The following STXBP5L variants were observed in gnomAD, a reference collection of about 807,000 sequenced individuals.
STXBP5L encodes syntaxin binding protein 5L.
Under a neutral mutation model 144.5 loss-of-function variants are expected in STXBP5L, and 65 were observed. The ratio of observed to expected loss-of-function variants is 0.45; its 90% CI spans 0.37 to 0.55. STXBP5L has a LOEUF of 0.55. STXBP5L is among the 20% of genes least tolerant of loss of function. The probability of loss-of-function intolerance (pLI) is 0.00; values close to 1 mark genes in which losing one functional copy is unlikely to be tolerated. For synonymous variants in STXBP5L, 505 were observed against 469.6 expected (o/e 1.08, Z -0.97); for missense variants, 1,298 against 1,405.5 (o/e 0.92, Z 1.22).
chr3:121,378,517 TAATA>T (rs1348897599), intron 20 of STXBP5L, among the ~76,000 whole-genome samples, 195 bp from the exon 21 acceptor site: 2 of 152,210 alleles, frequency 1.3e-5, no homozygotes, highest in Non-Finnish European at 2.9e-5. Context: ...ATCTTATACT[TAATA>T]AATATCTTTT....
chr3:121,045,374 T>C, intron 4 of STXBP5L, 61 bp from the exon 5 acceptor site: 3 of 1,467,052 alleles, frequency 2.0e-6, no homozygotes, highest in Non-Finnish European at 2.8e-6. Context: ...AGCTTGTTTG[T>C]GATTAAAAAA....
chr3:120,986,858 C>A (rs1029612822), intron 3 of STXBP5L, among the ~76,000 whole-genome samples: 1 of 151,756 alleles, frequency 6.6e-6, no homozygotes, highest in Non-Finnish European at 1.5e-5. Flanking sequence ...GAAGAATCAG[C>A]AAACTTGAAG....
chr3:121,380,893 G>A (rs1392236096), intron 21 of STXBP5L, among the ~76,000 whole-genome samples: 1 of 152,140 alleles, frequency 6.6e-6, no homozygotes, highest in Non-Finnish European at 1.5e-5. Context: ...ACAAGAAACT[G>A]TTAGGGATTC....
chr3:121,199,935 T>C (rs991785049), intron 9 of STXBP5L, among the ~76,000 whole-genome samples: 3 of 152,230 alleles, frequency 2.0e-5, no homozygotes, highest in Non-Finnish European at 4.4e-5. Flanking sequence ...GATATTGGCC[T>C]GAAATTTTCT....
Position 121,314,950 on chromosome 3 carries a change from C to A in STXBP5L, c.2111-3525C>A, listed in dbSNP as rs868208921. On this transcript the variant is annotated intron_variant, in intron 19 of 26. Coordinates refer to ENST00000471454, the MANE Select transcript of STXBP5L (RefSeq NM_001308330.2). ...CCACAATGAGATACCATCTCACACCCGTTAGAATGGCAATCATTAAAAAGT... is the reference window on the plus strand; with the variant it reads ...CCACAATGAGATACCATCTCACACCAGTTAGAATGGCAATCATTAAAAAGT... 1.3e-3 allele frequency among the ~76,000 whole-genome samples: 202 copies of A among 152,134 alleles called. 2 individuals carry two copies. Among genetic ancestry groups the A allele is most frequent in the East Asian group, 4.3e-3 (22 of 5,154 alleles).
intron 5 of STXBP5L, among the ~76,000 whole-genome samples, chr3:121,079,597 A>G (rs138964898): frequency 6.6e-6 from 1 of 152,326 alleles, no homozygotes; most frequent in African/African-American, 2.4e-5. Context: ...AAAATAATTC[A>G]AGAGCGTATT....
rs1361130755 is a variant in STXBP5L at position 121,353,219 on chromosome 3, C to A, written c.2177-25497C>A. Among the ~76,000 whole-genome samples, 4 of 152,196 alleles carry A rather than the reference C, an allele frequency of 2.6e-5. No homozygotes were observed. In the East Asian group the frequency reaches 7.7e-4, roughly 29 times the overall value. ...CATAAAATGAGTTTGGGAGGATCCC[C>A]TCTTTTTCTATTGATTGGAATAGTT... On this transcript the variant is annotated intron_variant, in intron 20 of 26. Coordinates refer to ENST00000471454, the MANE Select transcript of STXBP5L (RefSeq NM_001308330.2).
At chr3:121,308,101 G>A (rs1181874096) in intron 19 of STXBP5L, among the ~76,000 whole-genome samples, 1 of 152,172 alleles carries the variant, frequency 6.6e-6, no homozygotes, top group Non-Finnish European at 1.5e-5. Flanking sequence ...ACTGGGGCCT[G>A]TTGTTGGAGC....
chr3:121,307,381 A>G (rs1047925013), intron 19 of STXBP5L, among the ~76,000 whole-genome samples: 8 of 152,224 alleles, frequency 5.3e-5, no homozygotes, highest in Non-Finnish European at 8.8e-5. Context: ...CATTATAAAT[A>G]TGCTTAAAGA....
chr3:121,008,881 A>C (rs1477755138), intron 3 of STXBP5L, among the ~76,000 whole-genome samples: 1 of 152,008 alleles, frequency 6.6e-6, no homozygotes, highest in Non-Finnish European at 1.5e-5. Context: ...AATAAATAAA[A>C]TATCTATCTT....
intron 5 of STXBP5L, among the ~76,000 whole-genome samples, chr3:121,054,819 A>C (rs1948331184): frequency 6.6e-6 from 1 of 151,902 alleles, no homozygotes; most frequent in African/African-American, 2.4e-5. Context: ...AGATCACCAT[A>C]TTGATTTTAT....
chr3:120,998,064 G>C (rs1198347379), intron 3 of STXBP5L, among the ~76,000 whole-genome samples: 2 of 152,102 alleles, frequency 1.3e-5, no homozygotes, highest in African/African-American at 2.4e-5. Context: ...AACAAACAAA[G>C]CATTGAAGGA....
At chr3:121,052,172 T>A (rs902658878) in intron 5 of STXBP5L, among the ~76,000 whole-genome samples, 3 of 152,214 alleles carry the variant, frequency 2.0e-5, no homozygotes, top group African/African-American at 7.2e-5. Context: ...GCTGGTACCA[T>A]TCCTTCTGAA....
At chr3:121,164,076 C>A (rs1348186110) in intron 9 of STXBP5L, among the ~76,000 whole-genome samples, 3 of 152,084 alleles carry the variant, frequency 2.0e-5, no homozygotes, top group South Asian at 2.1e-4. Flanking sequence ...TCATCACTCC[C>A]CCCAAAAACC....
At chr3:121,222,203 A>C (rs923945730) in intron 10 of STXBP5L, among the ~76,000 whole-genome samples, 1 of 152,096 alleles carries the variant, frequency 6.6e-6, no homozygotes, top group Non-Finnish European at 1.5e-5. Flanking sequence ...TACACTAGAG[A>C]TATGTAAGTA....
At chr3:121,031,380 A>G (rs1576716417) in intron 3 of STXBP5L, among the ~76,000 whole-genome samples, 1 of 142,376 alleles carries the variant, frequency 7.0e-6, no homozygotes, top group African/African-American at 2.6e-5. Context: ...GTATGTGTAT[A>G]TATTTCTATT....
intron 22 of STXBP5L, among the ~76,000 whole-genome samples, chr3:121,390,442 G>A (rs902891086): frequency 1.3e-5 from 2 of 152,230 alleles, no homozygotes; most frequent in African/African-American, 4.8e-5. Flanking sequence ...GATGTTAGCT[G>A]GTTATTTTGC....
chr3:120,926,624 C>A lies in STXBP5L; in HGVS notation c.189+16857C>A, dbSNP rs1402168700. ...AGTTTTCTGTTATTATTTCTTTGAACATGCTGTCTACCCCTTACCCTTGCT... is the reference window on the plus strand; with the variant it reads ...AGTTTTCTGTTATTATTTCTTTGAAAATGCTGTCTACCCCTTACCCTTGCT... On this transcript the variant is annotated intron_variant, in intron 2 of 26. Transcript: ENST00000471454. 2.0e-5 allele frequency among the ~76,000 whole-genome samples: 3 copies of A among 152,172 alleles called. No homozygotes were observed. In the East Asian group the frequency reaches 5.8e-4, roughly 29 times the overall value.
rs144683287 is a variant in STXBP5L, at chr3:121,295,207, A to G, written c.2110+15251A>G. 1.9e-4 allele frequency among the ~76,000 whole-genome samples: 29 copies of G among 152,248 alleles called. No homozygotes were observed. The East Asian group carries it at 5.6e-3, about 29-fold the overall frequency. ...AGGGAGAGAGGGGATAACTAAAGGA[A>G]AAAAATTCTTAAGGAAGTGAGAAGG... On this transcript the variant is annotated intron_variant, in intron 19 of 26. Transcript: ENST00000471454.
Sources: allele counts gnomAD v4.1 joint callset (sites outside exome capture counted in the v4.1 genomes callset), GRCh38; gene constraint gnomAD v4.1.1; transcripts MANE v1.5; gene names NCBI Gene and HGNC (gene_info 2026-07-23, HGNC 2026-07-21).